Variants in KCNH8 observed in about 807,000 individuals in gnomAD.
The protein encoded by KCNH8 is voltage-gated delayed rectifier potassium channel KCNH8.
KCNH8 carries 70 observed loss-of-function variants against 103.6 expected under a neutral mutation model. The ratio of observed to expected loss-of-function variants is 0.68; its 90% confidence interval spans 0.56 to 0.82. KCNH8 has a LOEUF of 0.82. KCNH8 is among the 40% of genes least tolerant of loss of function. The pLI is 0.00. For synonymous variants in KCNH8, 498 were observed against 489.4 expected (o/e 1.02, Z -0.23); for missense variants, 1,217 against 1,329.9 (o/e 0.92, Z 1.32).
intron 11 of KCNH8, among the ~76,000 whole-genome samples, chr3:19,478,738 T>G (rs2068026092): frequency 1.3e-5 from 2 of 152,056 alleles, no homozygotes; most frequent in African/African-American, 4.8e-5. Flanking sequence ...TCCCAAAATT[T>G]GACTGTAAGA....
intron 1 of KCNH8, among the ~76,000 whole-genome samples, chr3:19,234,649 G>A (rs1256706190): frequency 2.0e-5 from 3 of 149,474 alleles, no homozygotes; most frequent in East Asian, 4.1e-4. Flanking sequence ...CGCAAGCTGA[G>A]GGAGCCGGCT....
chr3:19,242,599 T>C (rs2064156407), intron 1 of KCNH8, among the ~76,000 whole-genome samples: 1 of 152,146 alleles, frequency 6.6e-6, no homozygotes, highest in South Asian at 2.1e-4. Context: ...AATTATATAC[T>C]TATCTAGAAA....
At chr3:19,419,447 G>A (rs1031990449) in intron 7 of KCNH8, among the ~76,000 whole-genome samples, 3 of 151,554 alleles carry the variant, frequency 2.0e-5, no homozygotes, top group Non-Finnish European at 2.9e-5. Flanking sequence ...TGATCCGCCC[G>A]CCTCGGCCTC....
chr3:19,434,410 A>T (rs1320082615), intron 7 of KCNH8, among the ~76,000 whole-genome samples: 1 of 152,200 alleles, frequency 6.6e-6, no homozygotes, highest in African/African-American at 2.4e-5. Context: ...AGACATAAAG[A>T]CACTCAGACT....
intron 11 of KCNH8, 98 bp downstream of exon 11, chr3:19,457,080 G>A: frequency 2.7e-6 from 2 of 733,082 alleles, no homozygotes; most frequent in Non-Finnish European, 4.4e-6. Flanking sequence ...ACCTTAAAAA[G>A]TCTCTGAATA....
chr3:19,153,463 A>T (rs1468103309), intron 1 of KCNH8, among the ~76,000 whole-genome samples: 2 of 152,138 alleles, frequency 1.3e-5, no homozygotes, highest in Non-Finnish European at 2.9e-5. Context: ...GGCAAAGGAC[A>T]AAAAGTCTTT....
chr3:19,515,374 G>T lies in KCNH8; in HGVS notation c.2488G>T (p.Asp830Tyr). Reference protein sequence around the residue: ...GNSSEESQTFDFGSERIRSEP... With the variant: ...GNSSEESQTFYFGSERIRSEP... ...CAGCAGTGAAGAAAGTCAGACTTTT[G>T]ATTTTGGCTCTGAACGAATCAGATC... Residue 830 changes from aspartate (D) to tyrosine (Y), a missense_variant, in exon 14 of 16, where the codon GAT (aspartate) becomes TAT (tyrosine). By Grantham distance (160) the Asp-to-Tyr change is radical. Around this residue, in one of 3 missense-constraint regions of KCNH8, gnomAD observed 558 missense variants for 495.8 expected, o/e 1.13. Transcript: ENST00000328405. 1 of 1,586,400 alleles carries T rather than the reference G, an allele frequency of 6.3e-7. No individual in the cohort carries two copies. The highest frequency in any genetic ancestry group is 1.2e-5 in the South Asian group (1 of 85,996).
In KCNH8 at chr3:19,258,984, T is replaced by G. The variant is rs148220083; in HGVS notation, c.310+5097T>G. Among the ~76,000 whole-genome samples the G allele has an allele frequency of 9.0e-4, 115 of 128,372 alleles. No homozygotes were observed. The East Asian group carries it at 0.023, about 25-fold the overall frequency. 84.2% of individuals were successfully genotyped at this position (128,372 alleles called of 152,430 possible). The stretch of plus-strand genomic sequence containing the variant: ...ATATATATATATATATATATATATC[T>G]GGAAATAATGTGTATAAGTAGGCAA... On this transcript the variant is annotated intron_variant, in intron 2 of 15. Coordinates refer to ENST00000328405, the MANE Select transcript of KCNH8 (RefSeq NM_144633.3).
chr3:19,333,999 A>G (rs1374900869), intron 3 of KCNH8, among the ~76,000 whole-genome samples: 1 of 152,192 alleles, frequency 6.6e-6, no homozygotes, highest in African/African-American at 2.4e-5. Flanking sequence ...GAGTGGGCAG[A>G]GGGACATACT....
chr3:19,286,907 T>C (rs79426815), intron 3 of KCNH8, among the ~76,000 whole-genome samples: 5,803 of 152,202 alleles, frequency 0.038, 390 homozygotes, highest in African/African-American at 0.13. Context: ...CTAGCAAACA[T>C]AATTAATGAC....
In KCNH8 at chr3:19,534,135, C is replaced by A; in HGVS notation, c.*36C>A. 2 of 1,482,290 alleles carry A rather than the reference C, an allele frequency of 1.3e-6. No homozygotes were observed. Among genetic ancestry groups the A allele is most frequent in the South Asian group, 1.2e-5 (1 of 83,644 alleles). The allele number at this position is 1,482,290 out of a possible 1,614,324, so 91.8% of individuals were successfully genotyped here. ...CATGATGCAGCAGCTAATTTCAAAC[C>A]TACCACTGCATGACAGTTTTAGTTT... On this transcript the variant is annotated 3_prime_UTR_variant, in exon 16 of 16. Transcript: ENST00000328405.
intron 1 of KCNH8, among the ~76,000 whole-genome samples, chr3:19,243,006 G>T (rs2064161539): frequency 6.6e-6 from 1 of 152,154 alleles, no homozygotes; most frequent in Non-Finnish European, 1.5e-5. Context: ...GTTTAGCATT[G>T]TTAGGTTATG....
intron 3 of KCNH8, among the ~76,000 whole-genome samples, chr3:19,318,661 GTACACA>G (rs1423213064): frequency 2.3e-5 from 2 of 85,248 alleles, no homozygotes; most frequent in African/African-American, 1.0e-4. Context: ...GTGTGTGTGT[GTACACA>G]CACACACACA....
intron 5 of KCNH8, among the ~76,000 whole-genome samples, chr3:19,372,118 C>T (rs1310757965): frequency 1.7e-4 from 26 of 150,752 alleles, no homozygotes; most frequent in Non-Finnish European, 2.8e-4. Flanking sequence ...TCCATATGAA[C>T]TTTAAAGTAG....
At chr3:19,399,214 A>G (rs1359339983) in intron 7 of KCNH8, among the ~76,000 whole-genome samples, 2 of 151,934 alleles carry the variant, frequency 1.3e-5, no homozygotes, top group Non-Finnish European at 2.9e-5. Context: ...TGCTTTTTAC[A>G]GTTTAATTTT....
intron 10 of KCNH8, among the ~76,000 whole-genome samples, chr3:19,453,559 C>T (rs901049971): frequency 2.0e-5 from 3 of 152,056 alleles, no homozygotes; most frequent in African/African-American, 4.8e-5. Flanking sequence ...TGAATGTCTG[C>T]GTCCCCCCAA....
Position 19,260,967 on chromosome 3 carries a change from C to CATATATATATAT in KCNH8, c.310+7095_310+7106dup, listed in dbSNP as rs138181171. 3.2e-3 allele frequency among the ~76,000 whole-genome samples: 423 copies of CATATATATATAT among 132,108 alleles called. 2 individuals carry two copies. Among genetic ancestry groups the CATATATATATAT allele is most frequent in the African/African-American group, 0.011 (407 of 36,990 alleles). 86.7% of individuals were successfully genotyped at this position (132,108 alleles called of 152,430 possible). A position where few individuals can be genotyped will look rare whatever the true frequency, so the allele number is the denominator to read the frequency against. The stretch of plus-strand genomic sequence containing the variant: ...TCCTTTTTTAAGGCTGAATAATATT[C>CATATATATATAT]ATATATATATATATATATATATATA... On this transcript the variant is annotated intron_variant, in intron 2 of 15. Coordinates refer to ENST00000328405, the MANE Select transcript of KCNH8 (RefSeq NM_144633.3).
chr3:19,325,520 G>T (rs541302195), intron 3 of KCNH8, among the ~76,000 whole-genome samples: 1 of 152,022 alleles, frequency 6.6e-6, no homozygotes, highest in Non-Finnish European at 1.5e-5. Context: ...TTAAAAAATG[G>T]GCAAGGGACA....
chr3:19,486,721 GC>G (rs1476972326), intron 11 of KCNH8, among the ~76,000 whole-genome samples: 3 of 152,036 alleles, frequency 2.0e-5, no homozygotes, highest in African/African-American at 7.2e-5. Context: ...GTTACCGGTC[GC>G]CCCCCTTTGT....
Sources: gnomAD v4.1 joint callset for allele counts (sites outside exome capture counted in the v4.1 genomes callset) on GRCh38, gnomAD v4.1.1 for gene constraint, gnomAD v4.1.1 regional missense constraint, MANE v1.5 for transcripts, NCBI Gene and HGNC (gene_info 2026-07-23, HGNC 2026-07-21) for gene names.